Variants in SLC8B1 observed in about 807,000 individuals in gnomAD.
The protein encoded by SLC8B1 is solute carrier family 8 member B1, also known as mitochondrial sodium/calcium exchanger protein.
SLC8B1 carries 52 observed loss-of-function variants against 63.4 expected under a neutral mutation model. The observed-to-expected ratio is 0.82, with a 90% CI of 0.66 to 1.03. The LOEUF is 1.03. Ranked by LOEUF, SLC8B1 falls within the 50% of genes least tolerant of loss-of-function variation. The pLI, the probability that SLC8B1 is intolerant of heterozygous loss-of-function variation, is 0.00. For synonymous variants in SLC8B1, 336 were observed against 323.9 expected, an observed-to-expected ratio of 1.04 and a Z score of -0.40; for missense variants, 657 against 741.7, an observed-to-expected ratio of 0.89 and a Z score of 1.33.
intron 12 of SLC8B1, chr12:113,308,523 C>T (rs975424969): frequency 3.3e-5 from 5 of 152,222 alleles, no homozygotes; most frequent in African/African-American, 7.2e-5. Context: ...CCTAGCCCCA[C>T]CCCACCAGCC....
At chr12:113,319,180 G>T in intron 7 of SLC8B1, 109 bp from the exon 8 acceptor site, 1 of 790,362 alleles carries the variant, frequency 1.3e-6, no homozygotes, top group Non-Finnish European at 2.2e-6. Flanking sequence ...ATCTGTGTTA[G>T]CCCATCCAGG....
At chr12:113,325,097 C>A (rs1342370424) in intron 2 of SLC8B1, among the ~76,000 whole-genome samples, 3 of 152,184 alleles carry the variant, frequency 2.0e-5, no homozygotes, top group African/African-American at 7.2e-5. Context: ...ATACCAACCC[C>A]ATTGATAAAA....
chr12:113,320,890 G>A lies in SLC8B1; in HGVS notation c.380C>T (p.Ser127Leu), dbSNP rs749105999. The A allele has an allele frequency of 5.0e-6, 8 of 1,606,420 alleles. No individual in the cohort carries two copies. The highest frequency in any genetic ancestry group is 1.6e-4 in the Middle Eastern group (1 of 6,074). ...GAGCTTCAGTGTGGTAGAAATGGCC[G>A]ACAAGTTGGGGCAGAAACTACGGAG... ...TAAKFFCPNL[S>L]AISTTLKLSH... The change falls in exon 5 of 16, where the codon TCG (serine) becomes TTG (leucine). Residue 127 changes from serine (S) to leucine (L), a missense_variant. Transcript: ENST00000680972. This position sits in a 1 kb window ranked among gnomAD's most constrained non-coding sequence, Gnocchi z 5.3.
At position 113,300,091 on chromosome 12, in the gene SLC8B1, CTCAGCAACAATGCAG is replaced by C. The variant is rs1956558816; in HGVS notation, c.1558-132_1558-118del. On this transcript the variant is annotated intron_variant, in intron 15 of 15. Transcript: ENST00000680972. ...AATGCAGCCTCAACAACAATGCAGC[CTCAGCAACAATGCAG>C]CCTCAGCAACAATGCAGCCTCAACA... The C allele has an allele frequency of 1.6e-5, 12 of 773,924 alleles. 2 individuals carry two copies. In the East Asian group the frequency reaches 5.0e-4, roughly 32 times the overall value. 47.9% of individuals were successfully genotyped at this position (773,924 alleles called of 1,614,324 possible). A position where few individuals can be genotyped will look rare whatever the true frequency, so the allele number is the denominator to read the frequency against.
chr12:113,303,002 C>A (rs1593235749), intron 15 of SLC8B1, among the ~76,000 whole-genome samples: 1 of 112,362 alleles, frequency 8.9e-6, no homozygotes, highest in African/African-American at 4.6e-5. Flanking sequence ...AGGTGGTAGA[C>A]ACACGCGCAC....
At chr12:113,303,422 C>T (rs945989452) in intron 15 of SLC8B1, among the ~76,000 whole-genome samples, 3 of 152,070 alleles carry the variant, frequency 2.0e-5, no homozygotes, top group Non-Finnish European at 4.4e-5. Context: ...CTGGGAGAAA[C>T]GGGTGACTTT....
intron 11 of SLC8B1, among the ~76,000 whole-genome samples, chr12:113,311,697 A>ATT (rs58060872): frequency 3.1e-5 from 3 of 95,360 alleles, no homozygotes; most frequent in African/African-American, 4.0e-5. Flanking sequence ...GTCAAGGGGG[A>ATT]TTTTTTTTTT....
At chr12:113,322,642 C>T (rs746241665) in intron 2 of SLC8B1, among the ~76,000 whole-genome samples, 7 of 152,080 alleles carry the variant, frequency 4.6e-5, no homozygotes, top group Non-Finnish European at 8.8e-5. Context: ...CTGAGGAACA[C>T]AAACATAGAG....
chr12:113,309,907 T>C (rs960283679), intron 12 of SLC8B1, among the ~76,000 whole-genome samples: 4 of 152,088 alleles, frequency 2.6e-5, no homozygotes, highest in African/African-American at 9.7e-5. Flanking sequence ...AGGTCTCTTT[T>C]TGGGGTGATG....
At chr12:113,324,402 CTTTTTTTT>C (rs780610962) in intron 2 of SLC8B1, among the ~76,000 whole-genome samples, 3 of 130,824 alleles carry the variant, frequency 2.3e-5, no homozygotes, top group African/African-American at 8.6e-5. Context: ...TCAGCTCTAC[CTTTTTTTT>C]TTTTTTTTTT....
At chr12:113,311,093 T>A (rs1239977513) in intron 11 of SLC8B1, among the ~76,000 whole-genome samples, 1 of 152,148 alleles carries the variant, frequency 6.6e-6, no homozygotes, top group African/African-American at 2.4e-5. Context: ...AGCGTGCAGA[T>A]CGCTTGAGCC....
intron 15 of SLC8B1, chr12:113,302,284 C>T: frequency 5.2e-6 from 1 of 191,348 alleles, no homozygotes; most frequent in Non-Finnish European, 1.1e-5. Context: ...GCAGAGACTG[C>T]AGAGATGGGC....
At chr12:113,312,205 A>G (rs1443306837) in intron 11 of SLC8B1, among the ~76,000 whole-genome samples, 1 of 152,072 alleles carries the variant, frequency 6.6e-6, no homozygotes, top group Non-Finnish European at 1.5e-5. Flanking sequence ...AGGCTGAGGC[A>G]GGAGGATCGC....
chr12:113,315,841 T>C (rs746538418), intron 10 of SLC8B1, among the ~76,000 whole-genome samples: 2 of 152,154 alleles, frequency 1.3e-5, no homozygotes, highest in African/African-American at 2.4e-5. Flanking sequence ...CACTTCTCAG[T>C]CTCTGACTCT....
intron 7 of SLC8B1, 46 bp from the exon 8 acceptor site, chr12:113,319,117 G>A: frequency 2.7e-6 from 4 of 1,462,718 alleles, no homozygotes; most frequent in Non-Finnish European, 3.8e-6. Context: ...CCTGGTGCAG[G>A]TCTAGAGAAC....
rs143472095 is a variant in SLC8B1 at position 113,300,892 on chromosome 12, T to C, written c.1558-918A>G. On this transcript the variant is annotated intron_variant, in intron 15 of 15. Coordinates refer to ENST00000680972, the MANE Select transcript of SLC8B1 (RefSeq NM_001358345.2). ...GGCTCAGGCCTGTAATCCCAACACT[T>C]TGGGAGGCCAAAGCGGGCAGATCAC... Among the ~76,000 whole-genome samples, 379 of 152,282 alleles carry C rather than the reference T, an allele frequency of 2.5e-3. 3 individuals carry two copies. The highest frequency in any genetic ancestry group is 8.1e-3 in the African/African-American group (336 of 41,550).
At position 113,304,289 on chromosome 12, in the gene SLC8B1, T is replaced by C. The variant is rs540635511; in HGVS notation, c.1557+32A>G. 2.1e-5 allele frequency: 33 copies of C among 1,606,918 alleles called. No individual in the cohort carries two copies. In the South Asian group the frequency reaches 3.5e-4, roughly 17 times the overall value. On this transcript the variant is annotated intron_variant, in intron 15 of 15. Coordinates refer to ENST00000680972, the MANE Select transcript of SLC8B1 (RefSeq NM_001358345.2). ...TCCCCATCAAGCTACATCTTGGTTA[T>C]ATACACTTGTAAACTTACAAGGAAT...
At chr12:113,331,386 G>GAAAAA (rs752575330) in intron 2 of SLC8B1, among the ~76,000 whole-genome samples, 1 of 85,854 alleles carries the variant, frequency 1.2e-5, no homozygotes, top group Non-Finnish European at 2.4e-5. Context: ...GACTGTTCTC[G>GAAAAA]AAAAAAAAAA....
chr12:113,317,080 G>A (rs1316136770), intron 8 of SLC8B1, 79 bp from the exon 9 acceptor site: 1 of 1,257,816 alleles, frequency 8.0e-7, no homozygotes, highest in Non-Finnish European at 1.1e-6. Flanking sequence ...AGGTTTAGGG[G>A]TGCAAGTGTT....
Sources: gnomAD v4.1 joint callset for allele counts (sites outside exome capture counted in the v4.1 genomes callset) on GRCh38, gnomAD v4.1.1 for gene constraint, Gnocchi (gnomAD v3.1) non-coding constraint, MANE v1.5 for transcripts, NCBI Gene and HGNC (gene_info 2026-07-23, HGNC 2026-07-21) for gene names.